The following MCC variants were observed in gnomAD, a reference collection of about 807,000 sequenced individuals.
MCC encodes MCC regulator of Wnt signaling pathway, also known as colorectal mutant cancer protein.
A neutral mutation model predicts 116.2 loss-of-function variants in MCC; 90 were observed. That is an observed-to-expected ratio of 0.77 (90% CI 0.65 to 0.92). MCC has a LOEUF of 0.92. MCC is among the 40% of genes least tolerant of loss of function. The probability of loss-of-function intolerance (pLI) is 0.00; values close to 1 mark genes in which losing one functional copy is unlikely to be tolerated. For missense variants in MCC, 1,516 were observed against 1,312.2 expected (o/e 1.16, Z -2.40); for synonymous variants, 578 against 510.5 (o/e 1.13, Z -1.78).
At chr5:113,119,275 C>T (rs1757591010) in intron 6 of MCC, among the ~76,000 whole-genome samples, 1 of 152,188 alleles carries the variant, frequency 6.6e-6, no homozygotes, top group African/African-American at 2.4e-5. Flanking sequence ...CACAATCCAT[C>T]CTCAGGGAGT....
chr5:113,101,178 G>C (rs547741173), intron 8 of MCC, among the ~76,000 whole-genome samples: 1 of 152,188 alleles, frequency 6.6e-6, no homozygotes, highest in East Asian at 1.9e-4. Flanking sequence ...TAAACACAGA[G>C]ACACACACAT....
At chr5:113,247,197 A>G (rs1386177575) in intron 3 of MCC, among the ~76,000 whole-genome samples, 1 of 152,226 alleles carries the variant, frequency 6.6e-6, no homozygotes, top group Non-Finnish European at 1.5e-5. Flanking sequence ...TTAGCAAAAA[A>G]TCCTACAGGA....
intron 5 of MCC, among the ~76,000 whole-genome samples, chr5:113,139,160 T>G (rs1759026859): frequency 1.3e-5 from 2 of 152,156 alleles, no homozygotes; most frequent in African/African-American, 4.8e-5. Flanking sequence ...CCACTTCGAC[T>G]CTGTTTGTTC....
intron 17 of MCC, among the ~76,000 whole-genome samples, chr5:113,032,392 G>A (rs942470596): frequency 1.2e-4 from 9 of 73,648 alleles, no homozygotes; most frequent in Non-Finnish European, 2.0e-4. Flanking sequence ...TGGGAAACAA[G>A]AATGAAACTC....
chr5:113,260,965 T>C (rs1443580377), intron 3 of MCC, among the ~76,000 whole-genome samples: 1 of 152,122 alleles, frequency 6.6e-6, no homozygotes, highest in Non-Finnish European at 1.5e-5. Flanking sequence ...AAATATCAAA[T>C]GGTTTAAGTG....
intron 3 of MCC, chr5:113,294,465 T>C: frequency 6.3e-7 from 1 of 1,596,964 alleles, no homozygotes; most frequent in Admixed American, 1.7e-5. Context: ...CAATATCCAC[T>C]GCTTGGTCCC....
In MCC at chr5:113,335,744, G is replaced by A. The variant is rs370017383; in HGVS notation, c.627+4775C>T. On this transcript the variant is annotated intron_variant, in intron 3 of 18. Coordinates refer to ENST00000408903, the MANE Select transcript of MCC (RefSeq NM_001085377.2). ...CTGAGTTTTGCTGCTGCTTTGTGGT[G>A]ACTTGGTACTAAATTCAGCTAAGCT... is the stretch of plus-strand genomic sequence containing the variant. Among the ~76,000 whole-genome samples, 27 of 151,714 alleles carry A rather than the reference G, an allele frequency of 1.8e-4. 4 individuals are homozygous for A. The highest frequency in any genetic ancestry group is 7.2e-4 in the Admixed American group (11 of 15,272).
At chr5:113,162,323 T>C (rs1237303023) in intron 3 of MCC, among the ~76,000 whole-genome samples, 1 of 152,114 alleles carries the variant, frequency 6.6e-6, no homozygotes, top group Non-Finnish European at 1.5e-5. Context: ...TGGACTTGAG[T>C]ATTAGTTCAG....
At chr5:113,078,502 C>T (rs553091818) in intron 11 of MCC, among the ~76,000 whole-genome samples, 1 of 152,334 alleles carries the variant, frequency 6.6e-6, no homozygotes, top group African/African-American at 2.4e-5. Context: ...GCTGGTTCAA[C>T]ATATGCAAAT....
chr5:113,455,422 G>C (rs944821017), intron 1 of MCC, among the ~76,000 whole-genome samples: 1 of 152,042 alleles, frequency 6.6e-6, no homozygotes, highest in Non-Finnish European at 1.5e-5. Flanking sequence ...GCACACGGCA[G>C]GAATTCAATA....
chr5:113,129,737 C>T (rs1758314155), intron 5 of MCC, among the ~76,000 whole-genome samples: 1 of 152,214 alleles, frequency 6.6e-6, no homozygotes, highest in South Asian at 2.1e-4. Context: ...TGAAAGAAAG[C>T]TCATCATCAC....
At chr5:113,161,541 G>C in intron 3 of MCC, among the ~76,000 whole-genome samples, 1 of 152,142 alleles carries the variant, frequency 6.6e-6, no homozygotes, top group East Asian at 1.9e-4. Context: ...AATGGTTGAA[G>C]TGCTTTGAAG....
chr5:113,244,506 T>C (rs1185117979), intron 3 of MCC, among the ~76,000 whole-genome samples: 1 of 152,200 alleles, frequency 6.6e-6, no homozygotes, highest in Admixed American at 6.5e-5. Context: ...CTTTAGACGT[T>C]CCAGCTTTAA....
At chr5:113,296,114 A>C (rs985126520) in intron 3 of MCC, among the ~76,000 whole-genome samples, 4 of 152,304 alleles carry the variant, frequency 2.6e-5, no homozygotes, top group South Asian at 2.1e-4. Flanking sequence ...CTCTTTCTAG[A>C]GCACTGGGTC....
intron 3 of MCC, among the ~76,000 whole-genome samples, chr5:113,330,782 A>T (rs1561526366): frequency 6.6e-6 from 1 of 152,350 alleles, no homozygotes; most frequent in East Asian, 1.9e-4. Context: ...TCCCTTTATC[A>T]GAGATCTTTA....
chr5:113,179,898 T>G (rs1422247060), intron 3 of MCC, among the ~76,000 whole-genome samples: 1 of 152,242 alleles, frequency 6.6e-6, no homozygotes, highest in Non-Finnish European at 1.5e-5. Context: ...CCAGCTGCTA[T>G]GGGTATTGCA....
At chr5:113,078,130 C>A (rs1309455595) in intron 11 of MCC, among the ~76,000 whole-genome samples, 2 of 152,124 alleles carry the variant, frequency 1.3e-5, no homozygotes, top group East Asian at 3.8e-4. Context: ...CTGAATAGGC[C>A]AATAACAGGT....
At chr5:113,420,890 C>G (rs796803447) in intron 1 of MCC, among the ~76,000 whole-genome samples, 3 of 152,240 alleles carry the variant, frequency 2.0e-5, no homozygotes, top group African/African-American at 7.2e-5. Context: ...TATTTGGAAT[C>G]AAAGGATTCT....
chr5:113,178,912 C>T (rs1761471122), intron 3 of MCC, among the ~76,000 whole-genome samples: 2 of 20,964 alleles, frequency 9.5e-5, no homozygotes, highest in African/African-American at 3.5e-4. Flanking sequence ...TTTATCTTAT[C>T]AAAAAAAATC....
Sources: allele counts gnomAD v4.1 joint callset (sites outside exome capture counted in the v4.1 genomes callset), GRCh38; gene constraint gnomAD v4.1.1; transcripts MANE v1.5; gene names NCBI Gene and HGNC (gene_info 2026-07-23, HGNC 2026-07-21).